FSTL1: variants seen among roughly 807,000 people sequenced by gnomAD.
FSTL1 encodes follistatin like 1, also known as follistatin-related protein 1.
A neutral mutation model predicts 45.9 loss-of-function variants in FSTL1; 24 were observed. The ratio of observed to expected loss-of-function variants is 0.52; its 90% CI spans 0.38 to 0.74. The LOEUF (loss-of-function observed/expected upper bound fraction) is 0.74. FSTL1 is among the 30% of genes least tolerant of loss of function. FSTL1 has a pLI of 0.00. For synonymous variants in FSTL1, 120 were observed against 137.6 expected, an observed-to-expected ratio of 0.87 and a Z score of 0.89; for missense variants, 340 against 381.8, an observed-to-expected ratio of 0.89 and a Z score of 0.91.
At chr3:120,411,170 G>T in intron 4 of FSTL1, 186 bp from the exon 5 acceptor site, 1 of 532,918 alleles carries the variant, frequency 1.9e-6, no homozygotes. Flanking sequence ...TCTGTCTCCT[G>T]CTTTGTCTGA....
chr3:120,395,749 A>C lies in FSTL1; in HGVS notation c.*1203T>G, dbSNP rs984353723. On this transcript the variant is annotated 3_prime_UTR_variant, in exon 11 of 11. Coordinates refer to ENST00000295633, the MANE Select transcript of FSTL1 (RefSeq NM_007085.5). ...CAATGATCAGAACCACAGAATTTAT[A>C]ACTTATCAAATCAAAAGGTTAGTGC... 4 of 532,940 alleles carry C rather than the reference A, an allele frequency of 7.5e-6. No individual in the cohort carries two copies. The highest frequency in any genetic ancestry group is 3.9e-5 in the Admixed American group (2 of 51,172). 33.0% of individuals were successfully genotyped at this position (532,940 alleles called of 1,614,324 possible). A position where few individuals can be genotyped will look rare whatever the true frequency, so the allele number is the denominator to read the frequency against.
At chr3:120,428,856 C>T (rs530514743) in intron 2 of FSTL1, among the ~76,000 whole-genome samples, 1 of 152,356 alleles carries the variant, frequency 6.6e-6, no homozygotes, top group East Asian at 1.9e-4. Flanking sequence ...GGCAATTATT[C>T]TCTAGCCTAA....
chr3:120,430,272 T>A (rs769455525), intron 2 of FSTL1, among the ~76,000 whole-genome samples: 1 of 152,178 alleles, frequency 6.6e-6, no homozygotes, highest in East Asian at 1.9e-4. Flanking sequence ...TTCCTGACAG[T>A]TACTCATTGA....
At chr3:120,410,708 A>C in intron 5 of FSTL1, 1 of 630,348 alleles carries the variant, frequency 1.6e-6, no homozygotes, top group Non-Finnish European at 3.0e-6. Flanking sequence ...TTCAATCACT[A>C]CTCAGGAAAA....
intron 10 of FSTL1, among the ~76,000 whole-genome samples, chr3:120,397,978 TATGCTA>T (rs1377338456): frequency 6.6e-6 from 1 of 152,158 alleles, no homozygotes; most frequent in African/African-American, 2.4e-5. Flanking sequence ...TTGAAAACAT[TATGCTA>T]AGTCAAAGAC....
chr3:120,411,829 T>C (rs1004418784), intron 4 of FSTL1, 25 bp downstream of exon 4: 2 of 1,605,326 alleles, frequency 1.2e-6, no homozygotes, highest in African/African-American at 2.7e-5. Flanking sequence ...TAAAGCTGCC[T>C]TGCAGTGGTG....
chr3:120,392,608 AAAGTT>A lies in FSTL1; in HGVS notation c.*4339_*4343del, dbSNP rs1196792053. ...GTACACATATTATTTTTTCAGTAAA[AAAGTT>A]AAATCATTAGGAAAACATTAATTCT... is the stretch of plus-strand genomic sequence containing the variant. On this transcript the variant is annotated 3_prime_UTR_variant, in exon 11 of 11. Coordinates refer to ENST00000295633, the MANE Select transcript of FSTL1 (RefSeq NM_007085.5). 1 of 152,220 alleles carries A rather than the reference AAAGTT, an allele frequency of 6.6e-6. No individual in the cohort carries two copies. Among genetic ancestry groups the A allele is most frequent in the Non-Finnish European group, 1.5e-5 (1 of 68,036 alleles). 9.4% of individuals were successfully genotyped at this position (152,220 alleles called of 1,614,324 possible).
intron 2 of FSTL1, among the ~76,000 whole-genome samples, chr3:120,447,035 G>A (rs1559746520): frequency 1.3e-5 from 2 of 152,184 alleles, no homozygotes; most frequent in South Asian, 4.1e-4. Flanking sequence ...TCCACCAAGG[G>A]AGAGTGGGGG....
At chr3:120,397,122 C>T (rs143922121) in intron 10 of FSTL1, 126 bp from the exon 11 acceptor site, 174 of 797,802 alleles carry the variant, frequency 2.2e-4, no homozygotes, top group African/African-American at 2.0e-3. Flanking sequence ...GTTTACTTGT[C>T]GGGCTCCTCC....
rs995998027 is a variant in FSTL1, at chr3:120,394,014, C to A, written c.*2938G>T. On this transcript the variant is annotated 3_prime_UTR_variant, in exon 11 of 11. Transcript: ENST00000295633. ...TTGCCTATAATTACCCAGTCTGAGG[C>A]ATTTTGTTATAGCAACTTGAAGGGA... is the stretch of plus-strand genomic sequence containing the variant. 1 of 152,210 alleles carries A rather than the reference C, an allele frequency of 6.6e-6. No individual in the cohort carries two copies. Among genetic ancestry groups the A allele is most frequent in the African/African-American group, 2.4e-5 (1 of 41,462 alleles). The allele number at this position is 152,210 out of a possible 1,614,324, so 9.4% of individuals were successfully genotyped here.
chr3:120,404,064 C>T (rs1359109002), intron 7 of FSTL1, among the ~76,000 whole-genome samples: 8 of 151,438 alleles, frequency 5.3e-5, no homozygotes, highest in African/African-American at 1.9e-4. Flanking sequence ...CAATCACTTA[C>T]TACTCAAATG....
intron 6 of FSTL1, among the ~76,000 whole-genome samples, chr3:120,407,476 C>T (rs1936968851): frequency 6.6e-6 from 1 of 152,170 alleles, no homozygotes; most frequent in Admixed American, 6.5e-5. Flanking sequence ...ACGCTTTCAC[C>T]TAAGAAACAG....
chr3:120,434,301 C>G (rs1311454811), intron 2 of FSTL1, among the ~76,000 whole-genome samples: 1 of 152,054 alleles, frequency 6.6e-6, no homozygotes, highest in Admixed American at 6.6e-5. Context: ...ATCCAAAAGC[C>G]CAGCCAGTTC....
At chr3:120,412,838 G>GCGCGCGCGCACA (rs1429168694) in intron 3 of FSTL1, among the ~76,000 whole-genome samples, 20 of 106,122 alleles carry the variant, frequency 1.9e-4, no homozygotes, top group East Asian at 3.0e-4. Flanking sequence ...GCGCGCGCGC[G>GCGCGCGCGCACA]CACACACACA....
At chr3:120,442,818 T>A in intron 2 of FSTL1, among the ~76,000 whole-genome samples, 1 of 141,030 alleles carries the variant, frequency 7.1e-6, no homozygotes, top group African/African-American at 2.7e-5. Context: ...AAAGCAGACT[T>A]GGAGACACCC....
intron 9 of FSTL1, among the ~76,000 whole-genome samples, chr3:120,400,409 A>G (rs943685334): frequency 1.7e-4 from 26 of 152,158 alleles, no homozygotes; most frequent in African/African-American, 6.3e-4. Flanking sequence ...GGACACCAGT[A>G]TTTTTTTACA....
chr3:120,415,023 A>C (rs560512884), intron 3 of FSTL1, among the ~76,000 whole-genome samples: 1 of 152,094 alleles, frequency 6.6e-6, no homozygotes, highest in East Asian at 1.9e-4. Flanking sequence ...AGAAAGAAAA[A>C]AAATCTTTAG....
At chr3:120,401,286 T>C (rs552663272) in intron 9 of FSTL1, among the ~76,000 whole-genome samples, 13 of 152,320 alleles carry the variant, frequency 8.5e-5, no homozygotes, top group Admixed American at 4.6e-4. Context: ...TAGGAACTTG[T>C]AGGAATTTCT....
chr3:120,405,196 C>T (rs1259303143), intron 6 of FSTL1, among the ~76,000 whole-genome samples: 2 of 152,194 alleles, frequency 1.3e-5, no homozygotes. Context: ...GAGGAGGCAA[C>T]CTGAACTGAG....
Sources: allele counts gnomAD v4.1 joint callset (sites outside exome capture counted in the v4.1 genomes callset), GRCh38; gene constraint gnomAD v4.1.1; transcripts MANE v1.5; gene names NCBI Gene and HGNC (gene_info 2026-07-23, HGNC 2026-07-21).